Variants in SLCO4A1 observed in about 807,000 individuals in gnomAD.
The protein encoded by SLCO4A1 is solute carrier organic anion transporter family member 4A1, also known as colon organic anion transporter.
A neutral mutation model predicts 64.6 loss-of-function variants in SLCO4A1; 51 were observed. That is an observed-to-expected ratio of 0.79 (90% CI 0.63 to 1.00). The LOEUF is 1.00. Among genes scored for constraint, SLCO4A1 ranks in the 50% least tolerant of loss-of-function variants. The pLI is 0.00. For synonymous variants in SLCO4A1, 471 were observed against 444.9 expected (o/e 1.06, Z -0.74); for missense variants, 919 against 980.5 (o/e 0.94, Z 0.84).
At chr20:62,681,912 T>G (rs1374595119) in intron 2 of SLCO4A1, among the ~76,000 whole-genome samples, 1 of 152,248 alleles carries the variant, frequency 6.6e-6, no homozygotes, top group Non-Finnish European at 1.5e-5. Flanking sequence ...CAAAAACTTT[T>G]CAGCTACAAG....
chr20:62,676,677 A>G (rs776929650), downstream of SLCO4A1, among the ~76,000 whole-genome samples: 1 of 152,180 alleles, frequency 6.6e-6, no homozygotes, highest in Non-Finnish European at 1.5e-5. Context: ...CTCACACACT[A>G]TGGGTGGGAA....
At chr20:62,676,301 T>C (rs1246453933), downstream of SLCO4A1, among the ~76,000 whole-genome samples, 2 of 151,908 alleles carry the variant, frequency 1.3e-5, no homozygotes, top group Admixed American at 6.5e-5. Context: ...GCGCCTGTAG[T>C]CCCAGCTACT....
chr20:62,667,473 CAAAT>C (rs1986565891), intron 7 of SLCO4A1: 1 of 465,760 alleles, frequency 2.1e-6, no homozygotes, highest in Non-Finnish European at 3.8e-6. Context: ...TGTCCAAAAA[CAAAT>C]GAACTAGGGA....
downstream of SLCO4A1, among the ~76,000 whole-genome samples, chr20:62,674,173 C>T (rs564010076): frequency 5.3e-5 from 8 of 152,244 alleles, 1 homozygote; most frequent in African/African-American, 1.4e-4. Context: ...GAGTGGTGGG[C>T]GAGGCAGGAA....
At chr20:62,660,356 C>G (rs1984532653) in intron 3 of SLCO4A1, 56 bp from the exon 4 acceptor site, 1 of 1,580,664 alleles carries the variant, frequency 6.3e-7, no homozygotes, top group Admixed American at 1.7e-5. Context: ...GTGTGTGTGC[C>G]ATGGAGGGCA....
chr20:62,652,578 G>A lies in SLCO4A1; in HGVS notation c.-96-3781G>A, dbSNP rs369027006. ...CGCTTCAGTAGAAAGCCTGTGGCTC[G>A]TGGGTGGCCGTGGGTGGCTCTCTGC... On this transcript the variant is annotated intron_variant, in intron 1 of 11. Transcript: ENST00000217159. Among the ~76,000 whole-genome samples, 166 of 152,342 alleles carry A rather than the reference G, an allele frequency of 1.1e-3. 4 individuals are homozygous for A. In the South Asian group the frequency reaches 0.033, roughly 30 times the overall value.
chr20:62,666,366 C>T lies in SLCO4A1; in HGVS notation c.1277-14C>T, dbSNP rs762656946. On this transcript the variant is annotated splice_polypyrimidine_tract_variant and intron_variant, in intron 6 of 11. Coordinates refer to ENST00000217159, the MANE Select transcript of SLCO4A1 (RefSeq NM_016354.4). ...CCTGCCTGAGTCCCTGGCTGAATCC[C>T]TCCCTCTCCCCAGGGTACCTGGTGG... 2 of 1,610,950 alleles carry T rather than the reference C, an allele frequency of 1.2e-6. No homozygotes were observed. The highest frequency in any genetic ancestry group is 2.2e-5 in the East Asian group (1 of 44,848).
Position 62,652,983 on chromosome 20 carries a change from G to T in SLCO4A1, c.-96-3376G>T, listed in dbSNP as rs114026317. Among the ~76,000 whole-genome samples, 1,457 of 152,308 alleles carry T rather than the reference G, an allele frequency of 9.6e-3. 23 individuals are homozygous for T. Among genetic ancestry groups the T allele is most frequent in the African/African-American group, 0.032 (1,334 of 41,556 alleles). ...CGGGGGCTGCATCCTCATTGCCACC[G>T]GCGGGCTGTGTGGCCTCGAGCAAAT... On this transcript the variant is annotated intron_variant, in intron 1 of 11. Transcript: ENST00000217159.
chr20:62,666,287 T>TC, intron 6 of SLCO4A1, 93 bp from the exon 7 acceptor site: 1 of 1,108,710 alleles, frequency 9.0e-7, no homozygotes, highest in Non-Finnish European at 1.3e-6. Flanking sequence ...TGCCTCAGTT[T>TC]CCCCACCTGT....
downstream of SLCO4A1, among the ~76,000 whole-genome samples, chr20:62,675,546 G>A (rs1469252340): frequency 1.3e-5 from 2 of 152,206 alleles, no homozygotes; most frequent in African/African-American, 2.4e-5. Context: ...GGACAGTTGG[G>A]ACACAGGGGC....
intron 3 of SLCO4A1, 81 bp downstream of exon 3, chr20:62,658,848 C>T (rs1275564429): frequency 6.4e-6 from 8 of 1,252,376 alleles, no homozygotes; most frequent in Non-Finnish European, 8.0e-6. Flanking sequence ...GCAGGGCCCA[C>T]TCTGAGTCAG....
At chr20:62,684,518 T>A (rs1305282427) in intron 2 of SLCO4A1, among the ~76,000 whole-genome samples, 1 of 152,182 alleles carries the variant, frequency 6.6e-6, no homozygotes, top group Non-Finnish European at 1.5e-5. Context: ...GTTAGATTTG[T>A]CCAATGCCCC....
chr20:62,668,879 C>G lies in SLCO4A1; in HGVS notation c.1877-51C>G, dbSNP rs369411772. Reference sequence around the variant, plus strand: ...GGCCTCTTGGCTGCCTGCCCCCTGCCTAGCCCCTACCCACCAGGAGTGTGG... The same window carrying G: ...GGCCTCTTGGCTGCCTGCCCCCTGCGTAGCCCCTACCCACCAGGAGTGTGG... On this transcript the variant is annotated intron_variant, in intron 10 of 11. Transcript: ENST00000217159. 1.5e-5 allele frequency: 24 copies of G among 1,575,514 alleles called. No individual in the cohort carries two copies. The African/African-American group carries it at 2.4e-4, about 16-fold the overall frequency.
At chr20:62,682,505 G>C (rs1457157814) in intron 2 of SLCO4A1, among the ~76,000 whole-genome samples, 1 of 152,360 alleles carries the variant, frequency 6.6e-6, no homozygotes, top group East Asian at 1.9e-4. Context: ...GGACAGATGA[G>C]CATGGAGACC....
At chr20:62,676,288 C>T (rs186206521), downstream of SLCO4A1, among the ~76,000 whole-genome samples, 58 of 152,108 alleles carry the variant, frequency 3.8e-4, no homozygotes, top group East Asian at 0.01. Flanking sequence ...GGCATGGTGG[C>T]GTGCGCCTGT....
Position 62,672,093 on chromosome 20 carries a change from T to C in SLCO4A1, c.*200T>C, listed in dbSNP as rs1987308641. On this transcript the variant is annotated 3_prime_UTR_variant, in exon 12 of 12. Transcript: ENST00000217159. ...TGGGTGGGAGGAACTTGCATAAATATATATTTATGGACACACAGTTTGCAT... is the reference window on the plus strand; with the variant it reads ...TGGGTGGGAGGAACTTGCATAAATACATATTTATGGACACACAGTTTGCAT... The C allele has an allele frequency of 2.1e-6, 3 of 1,453,668 alleles. No homozygotes were observed. The highest frequency in any genetic ancestry group is 2.5e-5 in the East Asian group (1 of 39,598). The allele number at this position is 1,453,668 out of a possible 1,614,324, so 90.0% of individuals were successfully genotyped here.
At chr20:62,690,271 C>T (rs527422276), downstream of SLCO4A1, among the ~76,000 whole-genome samples, 31 of 152,290 alleles carry the variant, frequency 2.0e-4, no homozygotes, top group African/African-American at 3.6e-4. Flanking sequence ...TCTGGGTGTC[C>T]GACGTCTCAT....
At position 62,656,451 on chromosome 20, in the gene SLCO4A1, G is replaced by A. The variant is rs79435960; in HGVS notation, c.-4G>A. ...CCTCGAGGTCACCAGGCGGAGGCGC[G>A]GAGATGCCCCTGCATCAGCTGGGGG... On this transcript the variant is annotated 5_prime_UTR_variant, in exon 2 of 12. Coordinates refer to ENST00000217159, the MANE Select transcript of SLCO4A1 (RefSeq NM_016354.4). 3,740 of 1,470,778 alleles carry A rather than the reference G, an allele frequency of 2.5e-3. 62 individuals carry two copies. The African/African-American group carries it at 0.04, about 16-fold the overall frequency. The allele number at this position is 1,470,778 out of a possible 1,614,324, so 91.1% of individuals were successfully genotyped here.
chr20:62,668,828 T>G, intron 10 of SLCO4A1, 102 bp from the exon 11 acceptor site: 1 of 1,242,886 alleles, frequency 8.0e-7, no homozygotes, highest in Non-Finnish European at 1.1e-6. Context: ...ACGGCCAGTA[T>G]CACCTTCCCA....
Sources: allele counts gnomAD v4.1 joint callset (sites outside exome capture counted in the v4.1 genomes callset), GRCh38; gene constraint gnomAD v4.1.1; transcripts MANE v1.5; gene names NCBI Gene and HGNC (gene_info 2026-07-23, HGNC 2026-07-21).